The following GPC6 variants were observed in gnomAD, a reference collection of about 807,000 sequenced individuals.
GPC6 encodes glypican-6.
Under a neutral mutation model 55.2 loss-of-function variants are expected in GPC6, and 14 were observed. The ratio of observed to expected loss-of-function variants is 0.25; its 90% CI spans 0.17 to 0.40. The LOEUF is 0.40. Ranked by LOEUF, GPC6 falls within the 10% of genes least tolerant of loss-of-function variation. The pLI is 1.00. For synonymous variants in GPC6, 278 were observed against 259.6 expected, an observed-to-expected ratio of 1.07 and a Z score of -0.68; for missense variants, 641 against 708.5, an observed-to-expected ratio of 0.90 and a Z score of 1.08.
At chr13:93,488,733 T>C (rs1879832809) in intron 1 of GPC6, among the ~76,000 whole-genome samples, 1 of 152,190 alleles carries the variant, frequency 6.6e-6, no homozygotes, top group African/African-American at 2.4e-5. Flanking sequence ...ATGATGAGCA[T>C]TTTTTCATGT....
chr13:94,045,380 G>A (rs1346922172), intron 4 of GPC6, among the ~76,000 whole-genome samples: 2 of 151,806 alleles, frequency 1.3e-5, no homozygotes, highest in Non-Finnish European at 2.9e-5. Flanking sequence ...TAGTTTCTTA[G>A]TATCTAAAAC....
intron 1 of GPC6, among the ~76,000 whole-genome samples, chr13:93,350,780 A>G (rs1880604583): frequency 1.3e-5 from 2 of 152,164 alleles, no homozygotes; most frequent in African/African-American, 2.4e-5. Flanking sequence ...AGTATTAAGG[A>G]TATATTAATT....
At chr13:93,898,232 T>C (rs1876124132) in intron 3 of GPC6, among the ~76,000 whole-genome samples, 1 of 152,110 alleles carries the variant, frequency 6.6e-6, no homozygotes, top group Admixed American at 6.6e-5. Context: ...CATTCGGCCA[T>C]CACTGGCCTT....
In GPC6 at chr13:93,847,466, C is replaced by T. The variant is rs576083803; in HGVS notation, c.711+16921C>T. 2.0e-5 allele frequency among the ~76,000 whole-genome samples: 3 copies of T among 152,162 alleles called. No homozygotes were observed. The East Asian group carries it at 5.8e-4, about 29-fold the overall frequency. ...TGTTCACGTAGATTTGAGGGTGTTT[C>T]ACAATCTTTGGGTAAAGAAGGTTCT... On this transcript the variant is annotated intron_variant, in intron 3 of 8. Transcript: ENST00000377047.
At chr13:93,388,553 A>G (rs1364033391) in intron 1 of GPC6, among the ~76,000 whole-genome samples, 1 of 152,178 alleles carries the variant, frequency 6.6e-6, no homozygotes, top group Admixed American at 6.5e-5. Flanking sequence ...AAGGTCACCA[A>G]TTAAGCTGAA....
intron 3 of GPC6, among the ~76,000 whole-genome samples, chr13:94,022,853 A>AT (rs1357554984): frequency 6.6e-6 from 1 of 152,026 alleles, no homozygotes; most frequent in African/African-American, 2.4e-5. Flanking sequence ...CCTGTTGGCC[A>AT]TTTTTGTGTC....
At chr13:94,286,083 A>T (rs1188661699) in intron 4 of GPC6, among the ~76,000 whole-genome samples, 3 of 152,350 alleles carry the variant, frequency 2.0e-5, no homozygotes, top group East Asian at 3.9e-4. Flanking sequence ...ATGTGGAATC[A>T]TTAGATATAT....
intron 3 of GPC6, among the ~76,000 whole-genome samples, chr13:94,002,497 C>G (rs1023123871): frequency 2.0e-5 from 3 of 152,060 alleles, no homozygotes; most frequent in Admixed American, 6.6e-5. Flanking sequence ...TTAATTTATT[C>G]TAGAAATTAA....
At chr13:94,233,553 T>C (rs988948658) in intron 4 of GPC6, among the ~76,000 whole-genome samples, 3 of 152,146 alleles carry the variant, frequency 2.0e-5, no homozygotes, top group African/African-American at 7.2e-5. Flanking sequence ...TGCAGTGAAA[T>C]CTGGCACCAT....
At chr13:93,242,362 G>C (rs971438783) in intron 1 of GPC6, among the ~76,000 whole-genome samples, 7 of 152,160 alleles carry the variant, frequency 4.6e-5, no homozygotes, top group Non-Finnish European at 4.4e-5. Flanking sequence ...TGGATATTCA[G>C]ATTAGACAAG....
At chr13:93,882,257 G>T (rs1355101203) in intron 3 of GPC6, among the ~76,000 whole-genome samples, 1 of 151,570 alleles carries the variant, frequency 6.6e-6, no homozygotes, top group Non-Finnish European at 1.5e-5. Flanking sequence ...CAGACTCAAG[G>T]GACCTCAGCC....
At chr13:94,147,637 T>A (rs1057483850) in intron 4 of GPC6, among the ~76,000 whole-genome samples, 2 of 152,172 alleles carry the variant, frequency 1.3e-5, no homozygotes, top group Non-Finnish European at 2.9e-5. Flanking sequence ...GAACTGACAC[T>A]GGACCAAAGA....
intron 4 of GPC6, among the ~76,000 whole-genome samples, chr13:94,171,661 C>A (rs956696084): frequency 1.3e-5 from 2 of 152,190 alleles, no homozygotes; most frequent in Non-Finnish European, 2.9e-5. Context: ...AAAACCAAGA[C>A]ATTTGTCCTT....
chr13:93,589,336 ACTAC>A (rs1877356561), intron 2 of GPC6, among the ~76,000 whole-genome samples: 1 of 152,146 alleles, frequency 6.6e-6, no homozygotes, highest in Non-Finnish European at 1.5e-5. Flanking sequence ...CTCTAAACCC[ACTAC>A]CTAAATTTAC....
At chr13:93,351,958 T>C (rs1218703412) in intron 1 of GPC6, among the ~76,000 whole-genome samples, 2 of 152,270 alleles carry the variant, frequency 1.3e-5, no homozygotes, top group East Asian at 3.9e-4. Flanking sequence ...TTCAAGTTTT[T>C]GGTCCGTATA....
intron 4 of GPC6, among the ~76,000 whole-genome samples, chr13:94,206,290 C>A (rs1470600225): frequency 6.6e-6 from 1 of 152,096 alleles, no homozygotes; most frequent in East Asian, 1.9e-4. Flanking sequence ...TTGTTTGTGT[C>A]TCTTTTTTCT....
chr13:93,216,734 G>T, the GPC6 span, among the ~76,000 whole-genome samples: 3 of 152,248 alleles, frequency 2.0e-5, no homozygotes, highest in Admixed American at 1.3e-4. Flanking sequence ...TGGGAAAAAA[G>T]AACTCTCTCT....
At chr13:93,770,445 G>T (rs1477415368) in intron 2 of GPC6, among the ~76,000 whole-genome samples, 3 of 152,096 alleles carry the variant, frequency 2.0e-5, no homozygotes, top group African/African-American at 7.2e-5. Flanking sequence ...TCCTAAGCCG[G>T]CAGTGGTCTG....
rs1225879563 is a variant in GPC6 at position 93,561,948 on chromosome 13, T to C, written c.319+16527T>C. 2.0e-5 allele frequency among the ~76,000 whole-genome samples: 3 copies of C among 152,122 alleles called. No individual in the cohort carries two copies. In the South Asian group the frequency reaches 6.2e-4, roughly 31 times the overall value. On this transcript the variant is annotated intron_variant, in intron 2 of 8. Coordinates refer to ENST00000377047, the MANE Select transcript of GPC6 (RefSeq NM_005708.5). ...TTCACCTTATTTACTGATATAGCTTTAGTAGCTGTTGGTCCAGATGCTGCA... is the reference window on the plus strand; with the variant it reads ...TTCACCTTATTTACTGATATAGCTTCAGTAGCTGTTGGTCCAGATGCTGCA...
Sources: gnomAD v4.1 joint callset for allele counts (sites outside exome capture counted in the v4.1 genomes callset) on GRCh38, gnomAD v4.1.1 for gene constraint, MANE v1.5 for transcripts, NCBI Gene and HGNC (gene_info 2026-07-23, HGNC 2026-07-21) for gene names.